Variants in SLCO5A1 observed in about 807,000 individuals in gnomAD.
SLCO5A1 encodes solute carrier organic anion transporter family member 5A1, also known as organic anion transporter polypeptide-related protein 4.
SLCO5A1 carries 39 observed loss-of-function variants against 65.1 expected under a neutral mutation model. The observed-to-expected ratio is 0.60, with a 90% CI of 0.46 to 0.78. SLCO5A1 has a LOEUF of 0.78. SLCO5A1 is among the 30% of genes least tolerant of loss of function. The probability of loss-of-function intolerance (pLI) is 0.00; values close to 1 mark genes in which losing one functional copy is unlikely to be tolerated. For missense variants in SLCO5A1, 1,029 were observed against 1,069.4 expected (o/e 0.96, Z 0.53); for synonymous variants, 438 against 415.7 (o/e 1.05, Z -0.65).
intron 6 of SLCO5A1, chr8:69,700,167 T>C (rs1814666337): frequency 6.6e-6 from 1 of 152,230 alleles, no homozygotes. Context: ...AAGAAATCTT[T>C]TTTAAAAGTA....
rs202182702 is a variant in SLCO5A1, at chr8:69,807,113, C to T, written c.907+24654G>A. Among the ~76,000 whole-genome samples, 4 of 152,296 alleles carry T rather than the reference C, an allele frequency of 2.6e-5. No individual in the cohort carries two copies. The East Asian group carries it at 7.7e-4, about 29-fold the overall frequency. On this transcript the variant is annotated intron_variant, in intron 2 of 9. Transcript: ENST00000260126. ...ACTGTACTACAGGGCAACGGAAACTCAAAACACAGAGAGAACCATTTACTG... is the reference window on the plus strand; with the variant it reads ...ACTGTACTACAGGGCAACGGAAACTTAAAACACAGAGAGAACCATTTACTG...
chr8:69,760,563 C>CA (rs1217635619), intron 3 of SLCO5A1, among the ~76,000 whole-genome samples: 5 of 151,298 alleles, frequency 3.3e-5, no homozygotes, highest in African/African-American at 4.8e-5. Context: ...GTCTATGTTC[C>CA]AAAAAAAAGT....
chr8:69,750,560 G>A (rs575156465), intron 4 of SLCO5A1, among the ~76,000 whole-genome samples: 21 of 151,458 alleles, frequency 1.4e-4, no homozygotes, highest in Non-Finnish European at 2.4e-4. Flanking sequence ...ACCACAAAAC[G>A]CTTGTTCAGC....
intron 3 of SLCO5A1, among the ~76,000 whole-genome samples, chr8:69,757,283 C>T (rs947082439): frequency 6.6e-6 from 1 of 152,100 alleles, no homozygotes; most frequent in African/African-American, 2.4e-5. Context: ...AGAATGTAAT[C>T]ACCAGCCCAG....
At chr8:69,751,206 G>C (rs1817283290) in intron 4 of SLCO5A1, among the ~76,000 whole-genome samples, 1 of 152,182 alleles carries the variant, frequency 6.6e-6, no homozygotes, top group African/African-American at 2.4e-5. Context: ...AGGCTGCCCA[G>C]TTAAATTTGG....
intron 2 of SLCO5A1, among the ~76,000 whole-genome samples, chr8:69,765,120 C>T (rs191539446): frequency 1.3e-5 from 2 of 152,054 alleles, no homozygotes; most frequent in African/African-American, 4.8e-5. Context: ...CCATATATAT[C>T]TGTGTGCCTG....
intron 2 of SLCO5A1, among the ~76,000 whole-genome samples, chr8:69,786,013 A>G (rs181036251): frequency 1.3e-5 from 2 of 152,344 alleles, no homozygotes; most frequent in Admixed American, 1.3e-4. Context: ...CATTTTATCA[A>G]ATTCTCAAGG....
At position 69,682,209 on chromosome 8, in the gene SLCO5A1, A is replaced by G. The variant is rs142563001; in HGVS notation, c.1757T>C (p.Val586Ala). ...CCCAGTGCTAAGATTACCACTATTA[A>G]CACAGCCAGCCAGACAAGGGTTAAA... ...TYFNPCLAGCVNSGNLSTGIR... is the reference protein window; with the variant it reads ...TYFNPCLAGCANSGNLSTGIR... Residue 586 changes from valine to alanine, a missense_variant, in exon 7 of 10, where the codon GTT becomes GCT. Val to Ala is a moderately conservative substitution (Grantham distance 64). This residue lies in a region of SLCO5A1 where 124 missense variants were observed against 184.5 expected (regional missense o/e 0.67). Transcript: ENST00000260126. 7 of 1,612,624 alleles carry G rather than the reference A, an allele frequency of 4.3e-6. No individual in the cohort carries two copies. In the African/African-American group the frequency reaches 6.7e-5, roughly 15 times the overall value.
At chr8:69,753,935 G>A (rs1170338904) in intron 4 of SLCO5A1, among the ~76,000 whole-genome samples, 1 of 146,332 alleles carries the variant, frequency 6.8e-6, no homozygotes, top group Non-Finnish European at 1.5e-5. Context: ...AGAATTGCTT[G>A]AACCTGGGAG....
chr8:69,688,591 G>T (rs1354152913), intron 6 of SLCO5A1, among the ~76,000 whole-genome samples: 5 of 150,814 alleles, frequency 3.3e-5, no homozygotes, highest in Non-Finnish European at 7.4e-5. Context: ...GCGGTGTTTG[G>T]TTTTTTTGTC....
chr8:69,698,194 T>A (rs183721450), intron 6 of SLCO5A1, among the ~76,000 whole-genome samples: 1 of 152,374 alleles, frequency 6.6e-6, no homozygotes, highest in African/African-American at 2.4e-5. Flanking sequence ...TCTCATTCTT[T>A]TTTATGGCTG....
At chr8:69,792,151 A>G (rs1819297044) in intron 2 of SLCO5A1, among the ~76,000 whole-genome samples, 1 of 152,252 alleles carries the variant, frequency 6.6e-6, no homozygotes, top group African/African-American at 2.4e-5. Flanking sequence ...CAGACAACAG[A>G]AATGTTAAAA....
chr8:69,674,567 G>A (rs1226500507), intron 9 of SLCO5A1, among the ~76,000 whole-genome samples: 1 of 152,128 alleles, frequency 6.6e-6, no homozygotes, highest in Non-Finnish European at 1.5e-5. Flanking sequence ...ATCCATAGAA[G>A]TTAAAATAAA....
intron 4 of SLCO5A1, among the ~76,000 whole-genome samples, chr8:69,747,864 C>G (rs1586753471): frequency 6.6e-6 from 1 of 152,204 alleles, no homozygotes; most frequent in Non-Finnish European, 1.5e-5. Flanking sequence ...TGTTCTTGAG[C>G]ATTTGGCAGA....
intron 2 of SLCO5A1, among the ~76,000 whole-genome samples, chr8:69,796,479 G>C (rs1193906732): frequency 6.6e-6 from 1 of 151,894 alleles, no homozygotes; most frequent in East Asian, 1.9e-4. Context: ...AGCCAGGCGT[G>C]GTGGCATATG....
chr8:69,819,405 G>A (rs372020618), intron 2 of SLCO5A1, among the ~76,000 whole-genome samples: 10 of 151,372 alleles, frequency 6.6e-5, no homozygotes, highest in African/African-American at 2.4e-4. Context: ...ATGGCTAGAT[G>A]GCCAAGCCTA....
intron 6 of SLCO5A1, among the ~76,000 whole-genome samples, chr8:69,701,099 G>T: frequency 6.6e-6 from 1 of 152,142 alleles, no homozygotes; most frequent in East Asian, 1.9e-4. Context: ...ACTCCAAGGA[G>T]TGGGGAAATG....
At chr8:69,788,566 A>G (rs1819134871) in intron 2 of SLCO5A1, among the ~76,000 whole-genome samples, 1 of 152,046 alleles carries the variant, frequency 6.6e-6, no homozygotes, top group South Asian at 2.1e-4. Flanking sequence ...TAAACATATT[A>G]CTCTAAGAAT....
rs751573217 is a variant in SLCO5A1 at position 69,705,188 on chromosome 8, C to T, written c.1465G>A (p.Gly489Arg). 15 of 1,613,930 alleles carry T rather than the reference C, an allele frequency of 9.3e-6. No individual in the cohort carries two copies. Among genetic ancestry groups the T allele is most frequent in the African/African-American group, 1.3e-5 (1 of 74,864 alleles). Residue 489 changes from glycine (G) to arginine (R), a missense_variant, in exon 6 of 10, where the codon GGA becomes AGA. Coordinates refer to ENST00000260126, the MANE Select transcript of SLCO5A1 (RefSeq NM_030958.3). ...VPSAGVGIVL[G>R]GYIIKKLKLG... is the part of the protein sequence containing the mutation. The stretch of plus-strand genomic sequence containing the variant: ...TTCAATTTTTTTATAATGTAGCCTC[C>T]GAGGACAATACCAACACCAGCACTG...
Sources: allele counts gnomAD v4.1 joint callset (sites outside exome capture counted in the v4.1 genomes callset), GRCh38; gene constraint gnomAD v4.1.1; regional missense constraint gnomAD v4.1.1; transcripts MANE v1.5; gene names NCBI Gene and HGNC (gene_info 2026-07-23, HGNC 2026-07-21).